ARHGAP42: variants seen among roughly 807,000 people sequenced by gnomAD.
ARHGAP42 encodes the protein Rho GTPase activating protein 42.
Under a neutral mutation model 125.0 loss-of-function variants are expected in ARHGAP42, and 63 were observed. The ratio of observed to expected loss-of-function variants is 0.50; its 90% CI spans 0.41 to 0.62. ARHGAP42 has a LOEUF of 0.62. ARHGAP42 is among the 20% of genes least tolerant of loss of function. The pLI is 0.00. For synonymous variants in ARHGAP42, 339 were observed against 351.0 expected (o/e 0.97, Z 0.38); for missense variants, 766 against 1,024.2 (o/e 0.75, Z 3.44).
chr11:100,812,076 C>G (rs1864158825), intron 3 of ARHGAP42, among the ~76,000 whole-genome samples: 1 of 152,152 alleles, frequency 6.6e-6, no homozygotes, highest in Non-Finnish European at 1.5e-5. Context: ...GCTAGGATTA[C>G]AGATATGAGC....
At position 100,824,679 on chromosome 11, in the gene ARHGAP42, T is replaced by C. The variant is rs188936684; in HGVS notation, c.312+29513T>C. 2.0e-5 allele frequency among the ~76,000 whole-genome samples: 3 copies of C among 152,326 alleles called. No homozygotes were observed. In the East Asian group the frequency reaches 5.8e-4, roughly 29 times the overall value. On this transcript the variant is annotated intron_variant, in intron 3 of 23. Transcript: ENST00000298815. ...TCTCCTAATCAACTATATATCATCA[T>C]AGATGACAGATTTAATCTTGGAGTC... is the stretch of plus-strand genomic sequence containing the variant.
At chr11:100,900,725 C>T (rs1291682186) in intron 4 of ARHGAP42, among the ~76,000 whole-genome samples, 1 of 152,122 alleles carries the variant, frequency 6.6e-6, no homozygotes, top group Non-Finnish European at 1.5e-5. Context: ...GTGTATGCAT[C>T]ATGAAGTTCT....
chr11:100,932,590 T>TTATCTA (rs998868423), intron 6 of ARHGAP42, among the ~76,000 whole-genome samples: 1 of 152,160 alleles, frequency 6.6e-6, no homozygotes, highest in African/African-American at 2.4e-5. Flanking sequence ...AAAACCTGTG[T>TTATCTA]TATCTAGTTC....
At chr11:100,888,182 A>G (rs1369654228) in intron 4 of ARHGAP42, among the ~76,000 whole-genome samples, 1 of 152,182 alleles carries the variant, frequency 6.6e-6, no homozygotes, top group African/African-American at 2.4e-5. Context: ...GAACGCCCCA[A>G]ACATCAATGA....
At chr11:100,745,575 A>T (rs1320707263) in intron 1 of ARHGAP42, among the ~76,000 whole-genome samples, 1 of 152,170 alleles carries the variant, frequency 6.6e-6, no homozygotes, top group African/African-American at 2.4e-5. Flanking sequence ...TTTACCCCTG[A>T]GTTGTTGGCT....
intron 1 of ARHGAP42, among the ~76,000 whole-genome samples, chr11:100,723,834 A>G (rs538173151): frequency 1.4e-4 from 22 of 152,188 alleles, no homozygotes; most frequent in African/African-American, 3.8e-4. Context: ...CTTGTTCCCA[A>G]TCTTATGGAG....
chr11:100,950,259 AATT>A (rs900581050), intron 12 of ARHGAP42, among the ~76,000 whole-genome samples: 3 of 142,202 alleles, frequency 2.1e-5, no homozygotes, highest in African/African-American at 7.4e-5. Flanking sequence ...TATAATATAT[AATT>A]ATATTATATT....
At position 100,691,170 on chromosome 11, in the gene ARHGAP42, G is replaced by GT. The variant is rs1317142318; in HGVS notation, c.154+3342dup. Among the ~76,000 whole-genome samples the GT allele has an allele frequency of 2.0e-5, 3 of 152,132 alleles. No homozygotes were observed. In the East Asian group the frequency reaches 5.8e-4, roughly 29 times the overall value. On this transcript the variant is annotated intron_variant, in intron 1 of 23. Coordinates refer to ENST00000298815, the MANE Select transcript of ARHGAP42 (RefSeq NM_152432.4). Reference sequence around the variant, plus strand: ...TTGAAAATATTCTTACTGGTGAATAGTTTTAGTTAATGGTGTATGACTGAA... The same window carrying GT: ...TTGAAAATATTCTTACTGGTGAATAGTTTTTAGTTAATGGTGTATGACTGAA...
intron 2 of ARHGAP42, among the ~76,000 whole-genome samples, chr11:100,779,459 A>T (rs1265216910): frequency 0.16 from 13,423 of 86,594 alleles, 1,513 homozygotes; most frequent in Non-Finnish European, 0.19. Context: ...AAAAAAAAAA[A>T]AAAAAAAAAT....
In ARHGAP42 at chr11:100,771,983, A is replaced by G. The variant is rs116349934; in HGVS notation, c.250+1545A>G. 9.7e-3 allele frequency among the ~76,000 whole-genome samples: 1,483 copies of G among 152,272 alleles called. 16 individuals carry two copies. The highest frequency in any genetic ancestry group is 0.034 in the African/African-American group (1,403 of 41,544). On this transcript the variant is annotated intron_variant, in intron 2 of 23. Transcript: ENST00000298815. ...AAAGTAATGTCCACACTGCTAGTCC[A>G]TGGACCACGCTCTGAGAAGCAGGGA...
intron 3 of ARHGAP42, among the ~76,000 whole-genome samples, chr11:100,811,502 TC>T (rs66508712): frequency 0.55 from 80,619 of 145,614 alleles, 22,647 homozygotes; most frequent in East Asian, 0.71. Context: ...GTCTTGACTT[TC>T]TTTTTTTTTT....
At chr11:100,864,067 C>T (rs7129820) in intron 4 of ARHGAP42, among the ~76,000 whole-genome samples, 105,271 of 152,030 alleles carry the variant, frequency 0.69, 36,595 homozygotes, top group Admixed American at 0.74. Context: ...TTTCCATGAC[C>T]GTGTTGGAAA....
At chr11:100,769,712 CTTT>C (rs140626690) in intron 1 of ARHGAP42, among the ~76,000 whole-genome samples, 1,161 of 78,006 alleles carry the variant, frequency 0.015, 7 homozygotes, top group African/African-American at 0.06. Flanking sequence ...AGCATTCCTT[CTTT>C]TTTTTTTTTT....
chr11:100,816,561 T>C (rs1864272003), intron 3 of ARHGAP42, among the ~76,000 whole-genome samples: 1 of 152,244 alleles, frequency 6.6e-6, no homozygotes, highest in Non-Finnish European at 1.5e-5. Flanking sequence ...CTGTGCATTT[T>C]AAGATGCTAA....
chr11:100,740,002 G>A (rs753702862), intron 1 of ARHGAP42, among the ~76,000 whole-genome samples: 2 of 151,736 alleles, frequency 1.3e-5, no homozygotes, highest in Non-Finnish European at 2.9e-5. Context: ...TTTGCGTGTT[G>A]AAATATTATT....
intron 1 of ARHGAP42, among the ~76,000 whole-genome samples, chr11:100,764,325 C>T (rs1728032215): frequency 6.6e-6 from 1 of 152,172 alleles, no homozygotes; most frequent in Admixed American, 6.5e-5. Flanking sequence ...TGCCTAGCCC[C>T]TCCCAGTTTT....
intron 3 of ARHGAP42, among the ~76,000 whole-genome samples, chr11:100,854,723 A>G (rs1865286020): frequency 6.6e-6 from 1 of 152,120 alleles, no homozygotes; most frequent in Non-Finnish European, 1.5e-5. Flanking sequence ...ATTGGCCAGT[A>G]CCAGGGAGTG....
At chr11:100,763,579 C>G (rs920748310) in intron 1 of ARHGAP42, among the ~76,000 whole-genome samples, 1 of 152,166 alleles carries the variant, frequency 6.6e-6, no homozygotes, top group Non-Finnish European at 1.5e-5. Flanking sequence ...CCTCCGCCCC[C>G]CGGGTTCAAG....
chr11:100,857,809 C>T (rs538836273), intron 3 of ARHGAP42, among the ~76,000 whole-genome samples: 1 of 152,150 alleles, frequency 6.6e-6, no homozygotes, highest in African/African-American at 2.4e-5. Flanking sequence ...TCCTGCTATG[C>T]ATCTGTCAAT....
Sources: allele counts gnomAD v4.1 joint callset (sites outside exome capture counted in the v4.1 genomes callset), GRCh38; gene constraint gnomAD v4.1.1; transcripts MANE v1.5; gene names NCBI Gene and HGNC (gene_info 2026-07-23, HGNC 2026-07-21).